ERBIN: variants seen among roughly 807,000 people sequenced by gnomAD.
ERBIN encodes densin-180-like protein.
A neutral mutation model predicts 158.4 loss-of-function variants in ERBIN; 60 were observed. That is an observed-to-expected ratio of 0.38 (90% confidence interval 0.31 to 0.47). The LOEUF is 0.47. Among genes scored for constraint, ERBIN ranks in the 20% least tolerant of loss-of-function variants. The pLI, the probability that ERBIN is intolerant of heterozygous loss-of-function variation, is 0.99. For synonymous variants in ERBIN, 594 were observed against 557.2 expected (o/e 1.07, Z -0.93); for missense variants, 1,610 against 1,648.0 (o/e 0.98, Z 0.40).
At chr5:65,952,904 A>G (rs1746681668) in intron 1 of ERBIN, among the ~76,000 whole-genome samples, 1 of 152,228 alleles carries the variant, frequency 6.6e-6, no homozygotes, top group Non-Finnish European at 1.5e-5. Flanking sequence ...GGAGTGTCAC[A>G]TACCGTACGT....
chr5:66,029,918 A>G (rs913775057), intron 14 of ERBIN, among the ~76,000 whole-genome samples: 10 of 152,086 alleles, frequency 6.6e-5, no homozygotes, highest in African/African-American at 2.4e-4. Context: ...CCTAGCCATT[A>G]CTAATATCCC....
At chr5:66,069,089 A>G in intron 21 of ERBIN, 2 of 1,360,256 alleles carry the variant, frequency 1.5e-6, no homozygotes, top group Non-Finnish European at 1.9e-6. Flanking sequence ...AAGTGTTTTA[A>G]TGTTTCCAGG....
Position 66,018,510 on chromosome 5 carries a change from AT to A in ERBIN, c.534-2811del, listed in dbSNP as rs1755158928. Among the ~76,000 whole-genome samples, 18 of 12,882 alleles carry A rather than the reference AT, an allele frequency of 1.4e-3. 4 individuals carry two copies. Among genetic ancestry groups the A allele is most frequent in the South Asian group, 5.5e-3 (3 of 550 alleles). The allele number at this position is 12,882 out of a possible 152,430, so 8.5% of individuals were successfully genotyped here. A position where few individuals can be genotyped will look rare whatever the true frequency, so the allele number is the denominator to read the frequency against. Reference sequence around the variant, plus strand: ...TATTATATTATATAATATATATTATATATTATATAATATATATTATATTATA... The same window carrying A: ...TATTATATTATATAATATATATTATAATTATATAATATATATTATATTATA... On this transcript the variant is annotated intron_variant, in intron 7 of 25. Coordinates refer to ENST00000284037, the MANE Select transcript of ERBIN (RefSeq NM_001253697.2).
At chr5:65,977,236 G>A (rs1293319346) in intron 1 of ERBIN, among the ~76,000 whole-genome samples, 1 of 145,968 alleles carries the variant, frequency 6.9e-6, no homozygotes, top group African/African-American at 2.7e-5. Context: ...GCGGCTGGCC[G>A]GGCGGGGGGC....
chr5:66,068,973 G>T, intron 21 of ERBIN: 2 of 1,535,602 alleles, frequency 1.3e-6, no homozygotes, highest in South Asian at 2.4e-5. Context: ...GGGCAGTCTT[G>T]CCTTGAGTGT....
chr5:66,027,917 C>G (rs1017919506), intron 13 of ERBIN, among the ~76,000 whole-genome samples: 7 of 152,086 alleles, frequency 4.6e-5, no homozygotes, highest in Admixed American at 1.3e-4. Flanking sequence ...AGTTTGTTCT[C>G]CCTAAGTACA....
intron 4 of ERBIN, among the ~76,000 whole-genome samples, chr5:66,002,333 G>A (rs1753093473): frequency 6.6e-6 from 1 of 152,162 alleles, no homozygotes; most frequent in South Asian, 2.1e-4. Context: ...GCTATCCCAA[G>A]CCATTGCAAA....
intron 21 of ERBIN, among the ~76,000 whole-genome samples, chr5:66,059,932 C>T (rs1019631231): frequency 8.5e-5 from 13 of 152,270 alleles, no homozygotes; most frequent in Admixed American, 2.0e-4. Flanking sequence ...TTGCTGGATT[C>T]AGTTTGCCAG....
intron 6 of ERBIN, among the ~76,000 whole-genome samples, chr5:66,014,024 T>C (rs1226078715): frequency 1.3e-5 from 2 of 152,064 alleles, no homozygotes; most frequent in East Asian, 1.9e-4. Flanking sequence ...GACCTCATCA[T>C]CTCCCTGCCA....
At chr5:65,941,213 A>G (rs1367419887) in intron 1 of ERBIN, among the ~76,000 whole-genome samples, 1 of 151,864 alleles carries the variant, frequency 6.6e-6, no homozygotes, top group African/African-American at 2.4e-5. Flanking sequence ...TATGAAAACC[A>G]GAGACCTTTG....
chr5:65,957,803 G>A (rs560594206), intron 1 of ERBIN, among the ~76,000 whole-genome samples: 6 of 151,572 alleles, frequency 4.0e-5, no homozygotes, highest in South Asian at 4.2e-4. Context: ...GGGCAGAGGC[G>A]CACCCCACCT....
intron 6 of ERBIN, among the ~76,000 whole-genome samples, chr5:66,014,196 C>A (rs535292746): frequency 1.3e-5 from 2 of 152,216 alleles, no homozygotes; most frequent in South Asian, 4.1e-4. Flanking sequence ...TTGTCAGATT[C>A]CTCTTCTGTA....
chr5:65,966,565 A>G (rs959400951), intron 1 of ERBIN, among the ~76,000 whole-genome samples: 2 of 151,512 alleles, frequency 1.3e-5, no homozygotes, highest in African/African-American at 4.8e-5. Context: ...CTGTAATCCC[A>G]GCTATTGGGA....
intron 1 of ERBIN, among the ~76,000 whole-genome samples, chr5:65,969,391 C>T (rs961971791): frequency 6.6e-6 from 1 of 152,186 alleles, no homozygotes; most frequent in African/African-American, 2.4e-5. Flanking sequence ...TAAAGCCACT[C>T]AATATGGCTT....
chr5:65,965,496 C>T (rs1748497679), intron 1 of ERBIN, among the ~76,000 whole-genome samples: 1 of 148,076 alleles, frequency 6.8e-6, no homozygotes, highest in African/African-American at 2.5e-5. Flanking sequence ...CCTTCGCCTC[C>T]TGGGTTCAAG....
At chr5:65,983,813 G>T (rs1750914247) in intron 1 of ERBIN, among the ~76,000 whole-genome samples, 1 of 152,148 alleles carries the variant, frequency 6.6e-6, no homozygotes, top group Non-Finnish European at 1.5e-5. Context: ...CTGTGGATCT[G>T]GAGACCTGGC....
At position 65,992,755 on chromosome 5, in the gene ERBIN, C is replaced by T. The variant is rs377154455; in HGVS notation, c.37C>T (p.Pro13Ser). Residue 13 changes from proline (P) to serine (S), a missense_variant, in exon 3 of 26, where the codon CCA (proline) becomes TCA (serine). Physicochemically the swap from Pro to Ser is moderately conservative, Grantham distance 74 (BLOSUM62 -1). Coordinates refer to ENST00000284037, the MANE Select transcript of ERBIN (RefSeq NM_001253697.2). The stretch of plus-strand genomic sequence containing the variant: ...ACGAAGTTTGTTTGTGCGGTTGGTA[C>T]CATGTCGCTGTCTACGAGGGGAAGA... Reference protein sequence around the residue: ...TKRSLFVRLVPCRCLRGEEET... With the variant: ...TKRSLFVRLVSCRCLRGEEET... 104 of 1,611,658 alleles carry T rather than the reference C, an allele frequency of 6.5e-5. No homozygotes were observed. The highest frequency in any genetic ancestry group is 8.4e-5 in the Non-Finnish European group (99 of 1,179,206).
At position 66,048,797 on chromosome 5, in the gene ERBIN, A is replaced by C; in HGVS notation, c.1903+16A>C. The C allele has an allele frequency of 6.9e-7, 1 of 1,455,544 alleles. No individual in the cohort carries two copies. The highest frequency in any genetic ancestry group is 1.3e-5 in the South Asian group (1 of 77,212). 90.2% of individuals were successfully genotyped at this position (1,455,544 alleles called of 1,614,324 possible). A position where few individuals can be genotyped will look rare whatever the true frequency, so the allele number is the denominator to read the frequency against. On this transcript the variant is annotated intron_variant, in intron 19 of 25. Transcript: ENST00000284037. ...AACAAAAAAGGTTAGATGTTAAAGG[A>C]AAGTGCTAAGAATAGAAATTGCCTC... is the stretch of plus-strand genomic sequence containing the variant.
chr5:66,008,397 C>T (rs1427567712), intron 4 of ERBIN, among the ~76,000 whole-genome samples: 1 of 152,112 alleles, frequency 6.6e-6, no homozygotes, highest in Non-Finnish European at 1.5e-5. Context: ...CCAGTCTGGG[C>T]AACAGTGTGA....
Sources: allele counts gnomAD v4.1 joint callset (sites outside exome capture counted in the v4.1 genomes callset), GRCh38; gene constraint gnomAD v4.1.1; transcripts MANE v1.5; gene names NCBI Gene and HGNC (gene_info 2026-07-23, HGNC 2026-07-21).